The following FSHR variants were observed in gnomAD, a reference collection of about 807,000 sequenced individuals.
FSHR encodes follicle stimulating hormone receptor.
Under a neutral mutation model 52.1 loss-of-function variants are expected in FSHR, and 46 were observed. That is an observed-to-expected ratio of 0.88 (90% CI 0.70 to 1.13). The LOEUF (loss-of-function observed/expected upper bound fraction) is 1.13, where lower values mean the gene tolerates loss of function less well. FSHR is among the 50% of genes most tolerant of loss of function. The pLI, the probability that FSHR is intolerant of heterozygous loss-of-function variation, is 0.00. For synonymous variants in FSHR, 399 were observed against 309.6 expected (o/e 1.29, Z -3.03); for missense variants, 964 against 834.6 (o/e 1.16, Z -1.91).
At chr2:49,113,816 C>G (rs958678762) in intron 1 of FSHR, among the ~76,000 whole-genome samples, 1 of 152,048 alleles carries the variant, frequency 6.6e-6, no homozygotes, top group African/African-American at 2.4e-5. Flanking sequence ...CCCACAGATG[C>G]CAGATATGTT....
At chr2:49,020,020 T>G (rs1322497001) in intron 3 of FSHR, 66 bp downstream of exon 3, 2 of 1,341,560 alleles carry the variant, frequency 1.5e-6, no homozygotes, top group African/African-American at 2.9e-5. Context: ...CTCCCAGGAA[T>G]GTAGAAGAAC....
At chr2:48,989,592 T>A (rs1363955316) in intron 5 of FSHR, among the ~76,000 whole-genome samples, 2 of 152,182 alleles carry the variant, frequency 1.3e-5, no homozygotes, top group Admixed American at 1.3e-4. Context: ...ACTTTTTTCT[T>A]CTGAAGGTTT....
intron 8 of FSHR, among the ~76,000 whole-genome samples, chr2:48,976,822 G>A (rs1675011708): frequency 6.6e-6 from 1 of 152,044 alleles, no homozygotes; most frequent in African/African-American, 2.4e-5. Flanking sequence ...TGGGATCAGT[G>A]GTGATATCTC....
chr2:49,078,640 A>C (rs774101801), intron 1 of FSHR, among the ~76,000 whole-genome samples: 4 of 152,150 alleles, frequency 2.6e-5, no homozygotes, highest in Non-Finnish European at 5.9e-5. Context: ...AAAAAGCCAC[A>C]TGATTTTCTT....
chr2:48,981,872 G>C (rs555628110), intron 8 of FSHR, among the ~76,000 whole-genome samples: 1 of 152,242 alleles, frequency 6.6e-6, no homozygotes, highest in Admixed American at 6.5e-5. Flanking sequence ...CCAAATAAGA[G>C]GTTCAGGCAG....
chr2:48,963,547 G>T lies in FSHR; in HGVS notation c.1274C>A (p.Thr425Asn). The T allele has an allele frequency of 1.2e-6, 2 of 1,614,152 alleles. No homozygotes were observed. Among genetic ancestry groups the T allele is most frequent in the Admixed American group, 3.3e-5 (2 of 60,024 alleles). ...GGCATAGTTGTGATATTGGCTCTTG[G>T]TATGGATATCAACTGATGCAATGAG... Reference protein sequence around the residue: ...LLLIASVDIHTKSQYHNYAID... With the variant: ...LLLIASVDIHNKSQYHNYAID... Residue 425 changes from threonine to asparagine, a missense_variant, in exon 10 of 10, where the codon ACC becomes AAC. By Grantham distance (65) the Thr-to-Asn change is moderately conservative. Transcript: ENST00000406846.
At chr2:49,063,982 C>G (rs12618787) in intron 2 of FSHR, among the ~76,000 whole-genome samples, 1 of 151,178 alleles carries the variant, frequency 6.6e-6, no homozygotes, top group African/African-American at 2.4e-5. Flanking sequence ...TAAATATGCA[C>G]AATTATGTGT....
At chr2:49,074,255 T>C (rs910355940) in intron 1 of FSHR, among the ~76,000 whole-genome samples, 5 of 151,930 alleles carry the variant, frequency 3.3e-5, no homozygotes, top group Non-Finnish European at 7.4e-5. Context: ...AGATAACCTA[T>C]AGAATGGAAG....
intron 1 of FSHR, among the ~76,000 whole-genome samples, chr2:49,144,363 T>A (rs1329888298): frequency 6.6e-6 from 1 of 152,186 alleles, no homozygotes; most frequent in Non-Finnish European, 1.5e-5. Context: ...TTTGTAATTT[T>A]CCTATCTGAC....
chr2:49,011,581 C>T (rs1466444963), intron 4 of FSHR, among the ~76,000 whole-genome samples: 2 of 152,024 alleles, frequency 1.3e-5, no homozygotes, highest in Non-Finnish European at 2.9e-5. Flanking sequence ...TCCTGGGTAT[C>T]CTTGAATTTT....
At chr2:48,995,797 C>G (rs945310972) in intron 4 of FSHR, among the ~76,000 whole-genome samples, 7 of 152,010 alleles carry the variant, frequency 4.6e-5, no homozygotes, top group African/African-American at 1.7e-4. Context: ...GAAAATTAAG[C>G]CAGGAAGGAC....
intron 1 of FSHR, among the ~76,000 whole-genome samples, chr2:49,141,557 A>G (rs1433183350): frequency 8.5e-5 from 13 of 152,140 alleles, no homozygotes; most frequent in Non-Finnish European, 1.5e-4. Flanking sequence ...CAATGATCCA[A>G]ATACCTCCCA....
intron 4 of FSHR, among the ~76,000 whole-genome samples, chr2:49,014,155 C>T (rs746948123): frequency 6.6e-6 from 1 of 152,116 alleles, no homozygotes; most frequent in Non-Finnish European, 1.5e-5. Context: ...GCAGCCCAAA[C>T]TGACTAAGAA....
chr2:49,134,137 C>A (rs138847782), intron 1 of FSHR, among the ~76,000 whole-genome samples: 1 of 152,138 alleles, frequency 6.6e-6, no homozygotes, highest in Non-Finnish European at 1.5e-5. Context: ...AGGCAACCTA[C>A]AGAATGGGAG....
chr2:48,990,769 A>G lies in FSHR; in HGVS notation c.375-132T>C, dbSNP rs1048742477. 3 of 701,966 alleles carry G rather than the reference A, an allele frequency of 4.3e-6. No homozygotes were observed. In the African/African-American group the frequency reaches 5.3e-5, roughly 12 times the overall value. 43.5% of individuals were successfully genotyped at this position (701,966 alleles called of 1,614,324 possible). On this transcript the variant is annotated intron_variant, in intron 4 of 9. Coordinates refer to ENST00000406846, the MANE Select transcript of FSHR (RefSeq NM_000145.4). ...AAATCTACGAGAAAAGCCCGTATAT[A>G]CGTGAATTAGGCTCATGTTTTCTAT...
At chr2:49,020,577 T>C (rs1252822155) in intron 2 of FSHR, among the ~76,000 whole-genome samples, 2 of 152,012 alleles carry the variant, frequency 1.3e-5, no homozygotes, top group African/African-American at 4.8e-5. Flanking sequence ...TTGGTCTCTA[T>C]CACAACTGCC....
rs183508925 is a variant in FSHR, at chr2:49,026,121, T to C, written c.225-5961A>G. Among the ~76,000 whole-genome samples, 498 of 152,240 alleles carry C rather than the reference T, an allele frequency of 3.3e-3. 1 individual carries two copies. The highest frequency in any genetic ancestry group is 5.4e-3 in the South Asian group (26 of 4,812). On this transcript the variant is annotated intron_variant, in intron 2 of 9. Transcript: ENST00000406846. Reference sequence around the variant, plus strand: ...TGGGCAAGATAAGTCTTTGCTAGAGTCATCCTACAGATATCCCCAAAATGA... The same window carrying C: ...TGGGCAAGATAAGTCTTTGCTAGAGCCATCCTACAGATATCCCCAAAATGA...
At chr2:49,007,260 T>C (rs1667105476) in intron 4 of FSHR, among the ~76,000 whole-genome samples, 1 of 152,070 alleles carries the variant, frequency 6.6e-6, no homozygotes, top group Non-Finnish European at 1.5e-5. Context: ...TGCATCCTCC[T>C]GTCAGAAGAG....
At chr2:49,152,043 C>T (rs1572634638) in intron 1 of FSHR, among the ~76,000 whole-genome samples, 1 of 152,104 alleles carries the variant, frequency 6.6e-6, no homozygotes, top group Non-Finnish European at 1.5e-5. Context: ...CCAAGTCAAG[C>T]CCTACCAATG....
Sources: allele counts gnomAD v4.1 joint callset (sites outside exome capture counted in the v4.1 genomes callset), GRCh38; gene constraint gnomAD v4.1.1; transcripts MANE v1.5; gene names NCBI Gene and HGNC (gene_info 2026-07-23, HGNC 2026-07-21).